FAT2: variants seen among roughly 807,000 people sequenced by gnomAD.
FAT2 encodes the protein protocadherin Fat 2.
FAT2 carries 150 observed loss-of-function variants against 295.3 expected under a neutral mutation model. That is an observed-to-expected ratio of 0.51 (90% CI 0.44 to 0.58). The LOEUF (loss-of-function observed/expected upper bound fraction) is 0.58, where lower values mean the gene tolerates loss of function less well. Among genes scored for constraint, FAT2 ranks in the 20% least tolerant of loss-of-function variants. FAT2 has a pLI of 0.00. For missense variants in FAT2, 4,868 were observed against 5,442.7 expected (o/e 0.89, Z 3.32); for synonymous variants, 2,026 against 2,150.3 (o/e 0.94, Z 1.60).
intron 1 of FAT2, among the ~76,000 whole-genome samples, chr5:151,579,144 G>T (rs1340350400): frequency 6.6e-6 from 1 of 152,206 alleles, no homozygotes; most frequent in Admixed American, 6.5e-5. Flanking sequence ...CAATTCTGGG[G>T]CTCTCTGGTT....
At chr5:151,550,080 G>A (rs1480660475) in intron 8 of FAT2, among the ~76,000 whole-genome samples, 2 of 152,178 alleles carry the variant, frequency 1.3e-5, no homozygotes. Flanking sequence ...AGACAAATGG[G>A]CAGGGTCAGG....
chr5:151,505,451 G>T lies in FAT2; in HGVS notation c.*114C>A. ...ATTTCAAGGGACAACAGCCTGGGCT[G>T]AGGGCTTCCCTCCCACTCTCCCAGC... On this transcript the variant is annotated 3_prime_UTR_variant, in exon 24 of 24. Coordinates refer to ENST00000261800, the MANE Select transcript of FAT2 (RefSeq NM_001447.3). 1 of 1,288,886 alleles carries T rather than the reference G, an allele frequency of 7.8e-7. No homozygotes were observed. The highest frequency in any genetic ancestry group is 1.1e-6 in the Non-Finnish European group (1 of 922,110). 79.8% of individuals were successfully genotyped at this position (1,288,886 alleles called of 1,614,324 possible).
Position 151,550,749 on chromosome 5 carries a change from T to C in FAT2, c.4419A>G (p.Ile1473Met). 12 of 1,614,154 alleles carry C rather than the reference T, an allele frequency of 7.4e-6. No homozygotes were observed. The highest frequency in any genetic ancestry group is 1.1e-5 in the South Asian group (1 of 91,072). ...PGVELLRVQA[I>M]DQDKGKSLIY... ...TGAGGCTTTTGCCCTTGTCTTGATC[T>C]ATGGCCTGGACTCGCAGGAGCTCTA... The change falls in exon 8 of 24, where the codon ATA becomes ATG. Residue 1473 changes from isoleucine (I) to methionine (M), a missense_variant. Ile to Met is a conservative substitution (Grantham distance 10, BLOSUM62 1). Coordinates refer to ENST00000261800, the MANE Select transcript of FAT2 (RefSeq NM_001447.3).
chr5:151,579,861 TGCTA>T lies in FAT2; in HGVS notation c.-20-10914_-20-10911del, dbSNP rs537299814. ...TGGCACCTAGTAGTTGCTAAATAAATGCTAGCTGTTGTTATTTTATAACTATCAT... is the reference window on the plus strand; with the variant it reads ...TGGCACCTAGTAGTTGCTAAATAAATGCTGTTGTTATTTTATAACTATCAT... On this transcript the variant is annotated intron_variant, in intron 1 of 23. Transcript: ENST00000261800. Among the ~76,000 whole-genome samples, 188 of 152,274 alleles carry T rather than the reference TGCTA, an allele frequency of 1.2e-3. 2 individuals are homozygous for T. Among genetic ancestry groups the T allele is most frequent in the Non-Finnish European group, 1.8e-3 (123 of 68,024 alleles).
Position 151,521,481 on chromosome 5 carries a change from A to C in FAT2, c.11112T>G (p.Thr3704=). 1 of 1,614,200 alleles carries C rather than the reference A, an allele frequency of 6.2e-7. No homozygotes were observed. The highest frequency in any genetic ancestry group is 8.5e-7 in the Non-Finnish European group (1 of 1,180,026). The change falls in exon 19 of 24, where the codon ACT becomes ACG. Residue 3704 remains threonine, a synonymous_variant. Coordinates refer to ENST00000261800, the MANE Select transcript of FAT2 (RefSeq NM_001447.3). The part of the protein sequence containing the change: ...YEFQELASII[T]HSAKEMEHSV... ...AATGCTCCATCTCCTTGGCTGAGTG[A>C]GTGATGATGGATGCTAGCTCCTGAA...
intron 1 of FAT2, among the ~76,000 whole-genome samples, chr5:151,575,761 G>A (rs1314416145): frequency 3.9e-5 from 6 of 152,224 alleles, no homozygotes. Context: ...GAGGCCTGGA[G>A]TAGCTGGAGT....
At position 151,553,391 on chromosome 5, in the gene FAT2, A is replaced by G. The variant is rs1215747956; in HGVS notation, c.3946-4T>C. ...GCCCACTGTCTGTTGCCTTGATCTG[A>G]AAGGAGGCCAACACCAAAACTGAGG... On this transcript the variant is annotated splice_region_variant and splice_polypyrimidine_tract_variant and intron_variant, in intron 5 of 23. Transcript: ENST00000261800. 6.2e-7 allele frequency: 1 copy of G among 1,613,712 alleles called. No individual in the cohort carries two copies. The highest frequency in any genetic ancestry group is 1.7e-5 in the Admixed American group (1 of 59,998).
rs1200878239 is a variant in FAT2 at position 151,567,391 on chromosome 5, A to G, written c.1541T>C (p.Ile514Thr). 1.2e-6 allele frequency: 2 copies of G among 1,613,944 alleles called. No individual in the cohort carries two copies. Among genetic ancestry groups the G allele is most frequent in the East Asian group, 2.2e-5 (1 of 44,898 alleles). The change falls in exon 2 of 24, where the codon ATC becomes ACC. Residue 514 changes from isoleucine (I) to threonine (T), a missense_variant. This residue lies in a region of FAT2 where 3,297 missense variants were observed against 3,669.4 expected (regional missense o/e 0.90). Coordinates refer to ENST00000261800, the MANE Select transcript of FAT2 (RefSeq NM_001447.3). ...ATAGTCCATGGGTTTGGAGGTGGAG[A>G]TGATCCCCAGGTAGGGGTCAATAGA... ...PFSIDPYLGI[I>T]STSKPMDYEL...
chr5:151,552,933 C>G (rs900757309), intron 6 of FAT2, among the ~76,000 whole-genome samples: 1 of 152,240 alleles, frequency 6.6e-6, no homozygotes, highest in Non-Finnish European at 1.5e-5. Flanking sequence ...AACTGAGGCA[C>G]TGCCAACTCT....
chr5:151,582,285 G>A (rs939443787), intron 1 of FAT2, among the ~76,000 whole-genome samples: 1 of 152,180 alleles, frequency 6.6e-6, no homozygotes, highest in African/African-American at 2.4e-5. Flanking sequence ...CACACACACC[G>A]ACTTTTCTTA....
intron 20 of FAT2, among the ~76,000 whole-genome samples, chr5:151,515,303 G>C (rs1284844825): frequency 6.6e-6 from 1 of 152,138 alleles, no homozygotes; most frequent in African/African-American, 2.4e-5. Flanking sequence ...CCCCAGACCT[G>C]CTAATGTTGG....
At position 151,517,644 on chromosome 5, in the gene FAT2, A is replaced by G. The variant is rs1753003158; in HGVS notation, c.11439T>C (p.Asn3813=). 6.2e-7 allele frequency: 1 copy of G among 1,614,050 alleles called. No individual in the cohort carries two copies. Among genetic ancestry groups the G allele is most frequent in the Non-Finnish European group, 8.5e-7 (1 of 1,180,030 alleles). The part of the protein sequence containing the change: ...LQPQAILLFT[N]ETASVSLKLA... ...CCTTCAGGGAGACGGACGCTGTTTC[A>G]TTGGTGAATAGAAGAATGGCCTGTG... The change falls in exon 20 of 24, where the codon AAT becomes AAC. Residue 3813 remains asparagine (N), a synonymous_variant. Coordinates refer to ENST00000261800, the MANE Select transcript of FAT2 (RefSeq NM_001447.3).
At chr5:151,588,603 C>G (rs893486149) in intron 1 of FAT2, among the ~76,000 whole-genome samples, 1 of 152,208 alleles carries the variant, frequency 6.6e-6, no homozygotes, top group African/African-American at 2.4e-5. Flanking sequence ...CAATGAGCTT[C>G]TTTTCTGTGC....
intron 5 of FAT2, among the ~76,000 whole-genome samples, chr5:151,553,889 A>G (rs989147904): frequency 6.6e-6 from 1 of 152,242 alleles, no homozygotes; most frequent in African/African-American, 2.4e-5. Flanking sequence ...TTCACCTGCC[A>G]GATGAAATGC....
In FAT2 at chr5:151,521,528, G is replaced by A. The variant is rs1753453152; in HGVS notation, c.11065C>T (p.His3689Tyr). The A allele has an allele frequency of 2.5e-6, 4 of 1,614,094 alleles. No individual in the cohort carries two copies. The highest frequency in any genetic ancestry group is 3.4e-6 in the Non-Finnish European group (4 of 1,180,036). ...TGAAACTCGTAGAAGGTTCCAGAAT[G>A]CCCCTCAAAGACCAGGAGCACATCC... The part of the protein sequence containing the change: ...GVDVLLVFEG[H>Y]SGTFYEFQEL... Residue 3689 changes from histidine (H) to tyrosine (Y), a missense_variant, in exon 19 of 24, where the codon CAT becomes TAT. By Grantham distance (83) the His-to-Tyr change is moderately conservative (BLOSUM62 2). This residue lies in a region of FAT2 where 1,046 missense variants were observed against 1,210.1 expected (regional missense o/e 0.86). Coordinates refer to ENST00000261800, the MANE Select transcript of FAT2 (RefSeq NM_001447.3).
Position 151,561,510 on chromosome 5 carries a change from C to G in FAT2, c.3574+1815G>C, listed in dbSNP as rs1002813443. 5.3e-5 allele frequency among the ~76,000 whole-genome samples: 8 copies of G among 152,176 alleles called. No homozygotes were observed. The South Asian group carries it at 1.7e-3, about 32-fold the overall frequency. On this transcript the variant is annotated intron_variant, in intron 3 of 23. Coordinates refer to ENST00000261800, the MANE Select transcript of FAT2 (RefSeq NM_001447.3). ...GGCTCAAGCCATCTTGCTACCTCAG[C>G]CTTCTGAATAGCTGAGACTTCAGGT...
rs755727142 is a variant in FAT2 at position 151,565,663 on chromosome 5, C to T, written c.3259+10G>A. 3 of 1,554,426 alleles carry T rather than the reference C, an allele frequency of 1.9e-6. No homozygotes were observed. Among genetic ancestry groups the T allele is most frequent in the African/African-American group, 2.7e-5 (2 of 73,436 alleles). On this transcript the variant is annotated intron_variant, in intron 2 of 23. Coordinates refer to ENST00000261800, the MANE Select transcript of FAT2 (RefSeq NM_001447.3). The stretch of plus-strand genomic sequence containing the variant: ...GGCCCTGGCACCCCACCCTACCCCA[C>T]CCCCAGTACCTGTATCTTGGTTGAT...
In FAT2 at chr5:151,544,100, G is replaced by T; in HGVS notation, c.7027C>A (p.Gln2343Lys). The change falls in exon 10 of 24, where the codon CAA becomes AAA. Residue 2343 changes from glutamine (Q) to lysine (K), a missense_variant. Gln to Lys is a moderately conservative substitution (Grantham distance 53). Transcript: ENST00000261800. ...TVQELDYEAQ[Q>K]HFHVKVRAMD... ...GCCCTGACTTTCACATGAAAGTGTT[G>T]TTGGGCTTCATAATCCAGTTCTTGA... 6.2e-7 allele frequency: 1 copy of T among 1,614,224 alleles called. No homozygotes were observed. Among genetic ancestry groups the T allele is most frequent in the Non-Finnish European group, 8.5e-7 (1 of 1,180,044 alleles).
rs370590019 is a variant in FAT2, at chr5:151,567,798, G to T, written c.1134C>A (p.Gly378=). ...TGACTCTCACCATCACCACGCGGCT[G>T]CCAGGAGGGGAAAACTCACTAAGCT... ...RVQLSEFSPP[G]SRVVMVRVTP... is the part of the protein sequence containing the mutation. Residue 378 remains glycine (G), a synonymous_variant, in exon 2 of 24, where the codon GGC becomes GGA. Transcript: ENST00000261800. 9 of 1,614,180 alleles carry T rather than the reference G, an allele frequency of 5.6e-6. No individual in the cohort carries two copies. Among genetic ancestry groups the T allele is most frequent in the Non-Finnish European group, 7.6e-6 (9 of 1,180,022 alleles).
Sources: gnomAD v4.1 joint callset for allele counts (sites outside exome capture counted in the v4.1 genomes callset) on GRCh38, gnomAD v4.1.1 for gene constraint, gnomAD v4.1.1 regional missense constraint, MANE v1.5 for transcripts, NCBI Gene and HGNC (gene_info 2026-07-23, HGNC 2026-07-21) for gene names.